The following PPP1R9A variants were observed in gnomAD, a reference collection of about 807,000 sequenced individuals.
PPP1R9A encodes the protein protein phosphatase 1 regulatory subunit 9A.
In PPP1R9A, 59 loss-of-function variants were observed where a neutral mutation model predicts 141.9. That is an observed-to-expected ratio of 0.42 (90% CI 0.34 to 0.52). The LOEUF (loss-of-function observed/expected upper bound fraction) is 0.52, where lower values mean the gene tolerates loss of function less well. Among genes scored for constraint, PPP1R9A ranks in the 20% least tolerant of loss-of-function variants. The pLI is 0.10. For synonymous variants in PPP1R9A, 500 were observed against 569.7 expected (o/e 0.88, Z 1.74); for missense variants, 1,444 against 1,611.9 (o/e 0.90, Z 1.78).
intron 8 of PPP1R9A, among the ~76,000 whole-genome samples, chr7:95,234,400 C>G (rs181989296): frequency 6.6e-6 from 1 of 152,082 alleles, no homozygotes; most frequent in Non-Finnish European, 1.5e-5. Context: ...AGCTGAGAAT[C>G]GAATCAAGAA....
At chr7:95,074,500 G>A (rs1190025022) in intron 2 of PPP1R9A, among the ~76,000 whole-genome samples, 1 of 140,072 alleles carries the variant, frequency 7.1e-6, no homozygotes, top group East Asian at 2.0e-4. Context: ...TTGAGACGGA[G>A]TTTCTCTCTT....
intron 8 of PPP1R9A, among the ~76,000 whole-genome samples, chr7:95,227,034 A>C (rs1371324246): frequency 1.3e-5 from 2 of 152,196 alleles, no homozygotes; most frequent in Non-Finnish European, 2.9e-5. Context: ...AAATTAACTG[A>C]TATCTTCAAA....
At chr7:94,921,168 C>T (rs1228992648) in intron 2 of PPP1R9A, among the ~76,000 whole-genome samples, 4 of 151,940 alleles carry the variant, frequency 2.6e-5, no homozygotes, top group Non-Finnish European at 4.4e-5. Flanking sequence ...TTTTTGAGGC[C>T]GGGCGCGGTG....
At chr7:95,042,260 C>T (rs1226553151) in intron 2 of PPP1R9A, among the ~76,000 whole-genome samples, 2 of 152,154 alleles carry the variant, frequency 1.3e-5, no homozygotes, top group African/African-American at 2.4e-5. Context: ...TTAAGGAATA[C>T]GTGATACTCA....
chr7:95,104,593 A>G (rs985599872), intron 2 of PPP1R9A, among the ~76,000 whole-genome samples: 2 of 152,186 alleles, frequency 1.3e-5, no homozygotes, highest in Admixed American at 6.5e-5. Context: ...TGATGATTAT[A>G]AACTCCAGTT....
intron 12 of PPP1R9A, among the ~76,000 whole-genome samples, chr7:95,264,398 A>C (rs746584871): frequency 6.6e-6 from 1 of 152,128 alleles, no homozygotes; most frequent in Non-Finnish European, 1.5e-5. Flanking sequence ...CCTGTATCTG[A>C]TCTGTGGGCA....
chr7:95,089,045 T>A (rs1397956011), intron 2 of PPP1R9A, among the ~76,000 whole-genome samples: 1 of 151,988 alleles, frequency 6.6e-6, no homozygotes, highest in Admixed American at 6.6e-5. Context: ...GAAGAGCAGA[T>A]CTTCTGAGTC....
At chr7:94,911,695 T>G (rs1025011568) in intron 2 of PPP1R9A, among the ~76,000 whole-genome samples, 187 bp downstream of exon 2, 1 of 152,172 alleles carries the variant, frequency 6.6e-6, no homozygotes, top group Non-Finnish European at 1.5e-5. Flanking sequence ...ATTACATTTC[T>G]TAAATGTGCT....
intron 7 of PPP1R9A, among the ~76,000 whole-genome samples, chr7:95,207,704 G>T (rs1791136570): frequency 6.6e-6 from 1 of 152,072 alleles, no homozygotes; most frequent in South Asian, 2.1e-4. Context: ...CATATGATGA[G>T]ATTGTCTATT....
At position 95,295,269 on chromosome 7, in the gene PPP1R9A, T is replaced by C. The variant is rs553402311; in HGVS notation, c.*4966T>C. On this transcript the variant is annotated 3_prime_UTR_variant, in exon 20 of 20. Coordinates refer to ENST00000433360, the MANE Select transcript of PPP1R9A (RefSeq NM_001166160.2). ...ATGGCTCATAGATTTTAAGAGATTT[T>C]TTTATTGTAAGTATTTCTACTAAAT... The C allele has an allele frequency of 1.0e-4, 16 of 152,660 alleles. No individual in the cohort carries two copies. The highest frequency in any genetic ancestry group is 2.0e-4 in the Admixed American group (3 of 15,286). The allele number at this position is 152,660 out of a possible 1,614,324, so 9.5% of individuals were successfully genotyped here.
chr7:95,264,850 C>T (rs947641768), intron 12 of PPP1R9A, among the ~76,000 whole-genome samples: 1 of 152,092 alleles, frequency 6.6e-6, no homozygotes, highest in Non-Finnish European at 1.5e-5. Flanking sequence ...CCCTTATGGA[C>T]AACAGAACAA....
intron 7 of PPP1R9A, among the ~76,000 whole-genome samples, chr7:95,219,965 C>T (rs1794169191): frequency 6.6e-6 from 1 of 152,124 alleles, no homozygotes; most frequent in South Asian, 2.1e-4. Context: ...TAACGTCATG[C>T]AGTCAGTTAG....
intron 2 of PPP1R9A, among the ~76,000 whole-genome samples, chr7:95,054,785 A>G (rs755198351): frequency 6.6e-6 from 1 of 152,154 alleles, no homozygotes; most frequent in African/African-American, 2.4e-5. Flanking sequence ...ATAGCATTGA[A>G]TAGTATTTGA....
chr7:95,262,347 T>A (rs541882239), intron 12 of PPP1R9A, among the ~76,000 whole-genome samples: 1 of 152,292 alleles, frequency 6.6e-6, no homozygotes, highest in South Asian at 2.1e-4. Flanking sequence ...GTTATGCAGA[T>A]CTCTTTTCCA....
At chr7:95,067,452 T>C (rs1348019108) in intron 2 of PPP1R9A, among the ~76,000 whole-genome samples, 1 of 152,200 alleles carries the variant, frequency 6.6e-6, no homozygotes, top group Non-Finnish European at 1.5e-5. Context: ...ATAGTCCTTT[T>C]GGAATGCCTA....
intron 2 of PPP1R9A, among the ~76,000 whole-genome samples, chr7:95,002,114 T>A (rs987732870): frequency 6.6e-6 from 1 of 152,170 alleles, no homozygotes; most frequent in Admixed American, 6.5e-5. Flanking sequence ...AATACCTTTG[T>A]GGGAGTGAAA....
intron 2 of PPP1R9A, among the ~76,000 whole-genome samples, chr7:94,955,562 T>C (rs1447351166): frequency 6.6e-6 from 1 of 152,162 alleles, no homozygotes; most frequent in Non-Finnish European, 1.5e-5. Context: ...TGACTTGTGT[T>C]AATTTTCTTT....
At chr7:94,949,440 G>A (rs948702571) in intron 2 of PPP1R9A, among the ~76,000 whole-genome samples, 8 of 152,084 alleles carry the variant, frequency 5.3e-5, no homozygotes, top group African/African-American at 1.7e-4. Context: ...GCAGGGAATG[G>A]GATACTTAGG....
intron 2 of PPP1R9A, among the ~76,000 whole-genome samples, chr7:94,999,112 A>T (rs1802544931): frequency 6.6e-6 from 1 of 152,180 alleles, no homozygotes. Context: ...ATCTCCTAGA[A>T]ACTATTTGGA....
Sources: gnomAD v4.1 joint callset for allele counts (sites outside exome capture counted in the v4.1 genomes callset) on GRCh38, gnomAD v4.1.1 for gene constraint, MANE v1.5 for transcripts, NCBI Gene and HGNC (gene_info 2026-07-23, HGNC 2026-07-21) for gene names.